WDFY4: variants seen among roughly 807,000 people sequenced by gnomAD.
The protein encoded by WDFY4 is WD repeat- and FYVE domain-containing protein 4.
WDFY4 carries 169 observed loss-of-function variants against 351.9 expected under a neutral mutation model. The observed-to-expected ratio is 0.48, with a 90% CI of 0.42 to 0.55. The LOEUF (loss-of-function observed/expected upper bound fraction) is 0.55, where lower values mean the gene tolerates loss of function less well. Among genes scored for constraint, WDFY4 ranks in the 20% least tolerant of loss-of-function variants. The pLI is 0.00. For synonymous variants in WDFY4, 1,622 were observed against 1,574.6 expected (o/e 1.03, Z -0.71); for missense variants, 3,803 against 3,935.6 (o/e 0.97, Z 0.90).
chr10:48,796,115 G>A (rs1433474826), intron 23 of WDFY4, among the ~76,000 whole-genome samples, 183 bp from the exon 24 acceptor site: 1 of 152,222 alleles, frequency 6.6e-6, no homozygotes, highest in African/African-American at 2.4e-5. Flanking sequence ...CCAGTGAGAA[G>A]TCAGGTCATA....
At chr10:48,839,726 C>T (rs527330047) in intron 39 of WDFY4, among the ~76,000 whole-genome samples, 24 of 152,284 alleles carry the variant, frequency 1.6e-4, no homozygotes, top group African/African-American at 5.8e-4. Flanking sequence ...TGTTGGAAAA[C>T]GCAGTTGTAT....
Position 48,743,322 on chromosome 10 carries a change from T to A in WDFY4, c.2233T>A (p.Leu745Met). 1 of 1,551,628 alleles carries A rather than the reference T, an allele frequency of 6.4e-7. No homozygotes were observed. The highest frequency in any genetic ancestry group is 8.7e-7 in the Non-Finnish European group (1 of 1,146,940). The change falls in exon 12 of 62, where the codon TTG (leucine) becomes ATG (methionine). Residue 745 changes from leucine to methionine, a missense_variant. By Grantham distance (15) the Leu-to-Met change is conservative. Coordinates refer to ENST00000325239, the MANE Select transcript of WDFY4 (RefSeq NM_001394531.1). ...VDTKARPFAD[L>M]LGTAFSSSGS... ...CACAAAGGCCAGGCCATTTGCAGAT[T>A]TGCTGGGCACTGCCTTTTCCTCCAG...
intron 47 of WDFY4, among the ~76,000 whole-genome samples, chr10:48,903,357 C>A (rs558607826): frequency 6.6e-6 from 1 of 152,286 alleles, no homozygotes; most frequent in East Asian, 1.9e-4. Flanking sequence ...ATAAGAATCA[C>A]TCTGGCTGCT....
chr10:48,846,592 A>G (rs1026878134), intron 39 of WDFY4, among the ~76,000 whole-genome samples: 4 of 152,178 alleles, frequency 2.6e-5, no homozygotes, highest in African/African-American at 9.7e-5. Context: ...CCTATTTTTT[A>G]TGCACAATGG....
Position 48,714,342 on chromosome 10 carries a change from G to A in WDFY4, c.234+4376G>A, listed in dbSNP as rs115354981. Among the ~76,000 whole-genome samples, 1,133 of 152,270 alleles carry A rather than the reference G, an allele frequency of 7.4e-3. 12 individuals are homozygous for A. The highest frequency in any genetic ancestry group is 0.025 in the African/African-American group (1,045 of 41,544). On this transcript the variant is annotated intron_variant, in intron 2 of 61. Coordinates refer to ENST00000325239, the MANE Select transcript of WDFY4 (RefSeq NM_001394531.1). Reference sequence around the variant, plus strand: ...CCTTTTCCTTGGGCTCAAAAAGAATGTCTCCCCCACACATAGGATGTTTAG... The same window carrying A: ...CCTTTTCCTTGGGCTCAAAAAGAATATCTCCCCCACACATAGGATGTTTAG...
intron 30 of WDFY4, 37 bp from the exon 31 acceptor site, chr10:48,813,920 C>T: frequency 1.4e-6 from 2 of 1,475,494 alleles, no homozygotes; most frequent in Non-Finnish European, 1.8e-6. Flanking sequence ...TGGTGAGTAG[C>T]CGCAGGTCTG....
chr10:48,890,544 G>A lies in WDFY4; in HGVS notation c.7168-35G>A, dbSNP rs374571194. ...CCCAAGAATCATGGGCATGCTTCCT[G>A]TGCACCACCTGACTCTGCCACTCTC... is the stretch of plus-strand genomic sequence containing the variant. On this transcript the variant is annotated intron_variant, in intron 43 of 61. Coordinates refer to ENST00000325239, the MANE Select transcript of WDFY4 (RefSeq NM_001394531.1). 90 of 1,551,288 alleles carry A rather than the reference G, an allele frequency of 5.8e-5. 1 individual carries two copies. In the East Asian group the frequency reaches 1.3e-3, roughly 22 times the overall value.
chr10:48,743,467 G>A lies in WDFY4; in HGVS notation c.2378G>A (p.Gly793Glu). ...DLKESLRTKQGPVVDVQKGET... is the reference protein window; with the variant it reads ...DLKESLRTKQEPVVDVQKGET... ...AAGGAGTCCCTGAGGACCAAGCAGG[G>A]GCCGGTTGTGGATGTTCAGAAGGGA... Residue 793 changes from glycine (G) to glutamate (E), a missense_variant, in exon 12 of 62, where the codon GGG becomes GAG. Physicochemically the swap from Gly to Glu is moderately conservative, Grantham distance 98. Coordinates refer to ENST00000325239, the MANE Select transcript of WDFY4 (RefSeq NM_001394531.1). The A allele has an allele frequency of 6.5e-7, 1 of 1,548,346 alleles. No individual in the cohort carries two copies. The highest frequency in any genetic ancestry group is 8.7e-7 in the Non-Finnish European group (1 of 1,146,964).
chr10:48,760,811 G>A (rs1408165888), intron 13 of WDFY4, among the ~76,000 whole-genome samples: 1 of 152,182 alleles, frequency 6.6e-6, no homozygotes, highest in Non-Finnish European at 1.5e-5. Flanking sequence ...TCTCTCTCCT[G>A]GATGCTGGCT....
chr10:48,750,914 A>C (rs956604528), intron 12 of WDFY4, among the ~76,000 whole-genome samples: 2 of 152,274 alleles, frequency 1.3e-5, no homozygotes, highest in African/African-American at 2.4e-5. Context: ...GTGAATGGTC[A>C]CTGAGTAGAA....
At chr10:48,888,286 CT>C (rs1225687027) in intron 43 of WDFY4, among the ~76,000 whole-genome samples, 1 of 146,884 alleles carries the variant, frequency 6.8e-6, no homozygotes, top group Non-Finnish European at 1.5e-5. Flanking sequence ...TCCCCTCCCC[CT>C]CCCTCCCTCT....
At chr10:48,761,438 C>T (rs1053692454) in intron 13 of WDFY4, among the ~76,000 whole-genome samples, 3 of 152,124 alleles carry the variant, frequency 2.0e-5, no homozygotes, top group African/African-American at 7.2e-5. Flanking sequence ...GCCTGCGGTC[C>T]ATGTGATGTG....
intron 1 of WDFY4, among the ~76,000 whole-genome samples, chr10:48,691,843 C>G (rs921986457): frequency 7.9e-5 from 12 of 152,194 alleles, no homozygotes; most frequent in African/African-American, 2.7e-4. Flanking sequence ...CGTTAAAACA[C>G]GCTGTCAGGA....
chr10:48,861,500 A>T (rs1360553246), intron 39 of WDFY4, among the ~76,000 whole-genome samples: 1 of 152,200 alleles, frequency 6.6e-6, no homozygotes, highest in Non-Finnish European at 1.5e-5. Context: ...TATTTTCAGC[A>T]CTTGAGAAAT....
chr10:48,957,869 C>A lies in WDFY4; in HGVS notation c.8131+587C>A, dbSNP rs150714528. ...CTAGGAGACCACGGTGGGTAGCTCC[C>A]CTGGGGACTGTTTGTATGTCTCGGA... is the stretch of plus-strand genomic sequence containing the variant. On this transcript the variant is annotated intron_variant, in intron 52 of 61. Transcript: ENST00000325239. Among the ~76,000 whole-genome samples the A allele has an allele frequency of 2.7e-3, 411 of 152,296 alleles. 2 individuals carry two copies. The highest frequency in any genetic ancestry group is 0.013 in the South Asian group (61 of 4,820).
At chr10:48,737,943 A>C (rs2064725132) in intron 11 of WDFY4, among the ~76,000 whole-genome samples, 1 of 152,204 alleles carries the variant, frequency 6.6e-6, no homozygotes, top group African/African-American at 2.4e-5. Context: ...TAAATGGTGA[A>C]GTTGAGTTTG....
At chr10:48,838,405 C>A (rs1003193179) in intron 39 of WDFY4, among the ~76,000 whole-genome samples, 1 of 152,158 alleles carries the variant, frequency 6.6e-6, no homozygotes, top group African/African-American at 2.4e-5. Flanking sequence ...TGCCGTCACC[C>A]ACCCTAGCAT....
chr10:48,694,375 C>T (rs1400739805), intron 1 of WDFY4, among the ~76,000 whole-genome samples: 1 of 152,156 alleles, frequency 6.6e-6, no homozygotes, highest in Non-Finnish European at 1.5e-5. Context: ...CTCCTCTTTT[C>T]TCTAACCTGC....
In WDFY4 at chr10:48,774,280, G is replaced by C. The variant is rs2663063; in HGVS notation, c.2554-178G>C. On this transcript the variant is annotated intron_variant, in intron 13 of 61. Coordinates refer to ENST00000325239, the MANE Select transcript of WDFY4 (RefSeq NM_001394531.1). Reference sequence around the variant, plus strand: ...GCTGCCTCCCACAGACTTGCCCCCCGCCAGGTGAGGAGGGCACTGGAAGAA... The same window carrying C: ...GCTGCCTCCCACAGACTTGCCCCCCCCCAGGTGAGGAGGGCACTGGAAGAA... 0.73 allele frequency among the ~76,000 whole-genome samples: 92,150 copies of C among 126,418 alleles called. 30,390 individuals carry two copies. The highest frequency in any genetic ancestry group is 0.78 in the Non-Finnish European group (49,827 of 63,500). The allele number at this position is 126,418 out of a possible 152,430, so 82.9% of individuals were successfully genotyped here.
Sources: gnomAD v4.1 joint callset for allele counts (sites outside exome capture counted in the v4.1 genomes callset) on GRCh38, gnomAD v4.1.1 for gene constraint, MANE v1.5 for transcripts, NCBI Gene and HGNC (gene_info 2026-07-23, HGNC 2026-07-21) for gene names.